ZPBP: variants seen among roughly 807,000 people sequenced by gnomAD.
ZPBP encodes zona pellucida-binding protein 1.
Under a neutral mutation model 44.8 loss-of-function variants are expected in ZPBP, and 26 were observed. The ratio of observed to expected loss-of-function variants is 0.58; its 90% CI spans 0.43 to 0.81. The LOEUF (loss-of-function observed/expected upper bound fraction) is 0.81, where lower values mean the gene tolerates loss of function less well. Among genes scored for constraint, ZPBP ranks in the 30% least tolerant of loss-of-function variants. The pLI is 0.00. For synonymous variants in ZPBP, 174 were observed against 153.2 expected, an observed-to-expected ratio of 1.14 and a Z score of -1.00; for missense variants, 409 against 434.0, an observed-to-expected ratio of 0.94 and a Z score of 0.51.
At chr7:49,932,403 C>T (rs1033421829) in intron 1 of ZPBP, among the ~76,000 whole-genome samples, 2 of 152,230 alleles carry the variant, frequency 1.3e-5, no homozygotes, top group African/African-American at 4.8e-5. Flanking sequence ...GGATGTGAGA[C>T]ATGGAGTCAA....
chr7:50,066,979 T>C (rs1202228417), intron 3 of ZPBP, among the ~76,000 whole-genome samples: 1 of 152,196 alleles, frequency 6.6e-6, no homozygotes, highest in African/African-American at 2.4e-5. Context: ...GTGTGACACC[T>C]GCAACTTTAA....
intron 3 of ZPBP, among the ~76,000 whole-genome samples, chr7:50,070,220 G>A (rs979059492): frequency 7.2e-5 from 11 of 152,130 alleles, no homozygotes; most frequent in Non-Finnish European, 1.3e-4. Context: ...TTTGTTAGTG[G>A]GGACACAAGG....
At chr7:49,870,260 C>T (rs1407203790) in intron 2 of ZPBP, among the ~76,000 whole-genome samples, 2 of 152,078 alleles carry the variant, frequency 1.3e-5, no homozygotes, top group Non-Finnish European at 2.9e-5. Flanking sequence ...ATTAGCTGGG[C>T]ATGGTGGCGG....
At chr7:49,850,358 G>A (rs1235305676), downstream of ZPBP, 2 of 152,204 alleles carry the variant, frequency 1.3e-5, no homozygotes, top group East Asian at 3.8e-4. Flanking sequence ...GTGAGTCCAA[G>A]ATGAACAAAA....
At chr7:50,008,063 T>C (rs574981766) in intron 6 of ZPBP, among the ~76,000 whole-genome samples, 2 of 152,010 alleles carry the variant, frequency 1.3e-5, no homozygotes, top group South Asian at 2.1e-4. Context: ...CCAAACTATA[T>C]AGGAAAAAAT....
At chr7:49,855,144 C>CATT (rs1483129977) in intron 2 of ZPBP, among the ~76,000 whole-genome samples, 2 of 152,208 alleles carry the variant, frequency 1.3e-5, no homozygotes, top group African/African-American at 4.8e-5. Flanking sequence ...GGCCTGCTCA[C>CATT]ATTAGTCTTA....
At chr7:49,981,476 T>C (rs1217371641) in intron 7 of ZPBP, among the ~76,000 whole-genome samples, 5 of 70,434 alleles carry the variant, frequency 7.1e-5, no homozygotes, top group Non-Finnish European at 1.2e-4. Context: ...TATAATTATA[T>C]ATAATATATA....
At chr7:49,936,202 G>A (rs1254904665), downstream of ZPBP, 1 of 152,150 alleles carries the variant, frequency 6.6e-6, no homozygotes, top group South Asian at 2.1e-4. Context: ...CCCGAACAGT[G>A]TAATGTGAAT....
At chr7:50,005,074 T>G (rs1042593267) in intron 6 of ZPBP, among the ~76,000 whole-genome samples, 1 of 149,520 alleles carries the variant, frequency 6.7e-6, no homozygotes, top group African/African-American at 2.5e-5. Context: ...TGTAAGATCA[T>G]TGACTGATTT....
intron 4 of ZPBP, among the ~76,000 whole-genome samples, chr7:50,054,273 T>C (rs1277721007): frequency 1.2e-4 from 18 of 151,548 alleles, no homozygotes; most frequent in Admixed American, 1.2e-3. Flanking sequence ...AAAAAAAAAA[T>C]TGAAACTTCT....
At chr7:49,959,920 G>GCACAAAA (rs1795782783) in intron 7 of ZPBP, among the ~76,000 whole-genome samples, 1 of 152,180 alleles carries the variant, frequency 6.6e-6, no homozygotes, top group Non-Finnish European at 1.5e-5. Context: ...ATAATTAAAT[G>GCACAAAA]TACAAAATTG....
intron 6 of ZPBP, among the ~76,000 whole-genome samples, chr7:50,012,949 T>C (rs1798656200): frequency 6.6e-6 from 1 of 151,912 alleles, no homozygotes; most frequent in Admixed American, 6.6e-5. Flanking sequence ...GGTGGCATGA[T>C]ACAAGGATAA....
chr7:50,002,375 A>T (rs1798138259), intron 6 of ZPBP, among the ~76,000 whole-genome samples: 2 of 152,024 alleles, frequency 1.3e-5, no homozygotes, highest in African/African-American at 4.8e-5. Context: ...ATTCAAGGTG[A>T]GATGGGGGTG....
chr7:50,068,109 G>C (rs536547773), intron 3 of ZPBP, among the ~76,000 whole-genome samples: 1 of 152,220 alleles, frequency 6.6e-6, no homozygotes, highest in South Asian at 2.1e-4. Flanking sequence ...TGGCCTCTTA[G>C]AGGAGAGACT....
rs12669636 is a variant in ZPBP at position 50,000,538 on chromosome 7, C to T, written c.784-17019G>A. On this transcript the variant is annotated intron_variant, in intron 6 of 7. Transcript: ENST00000046087. ...AAAAGCAATGAAAAGCATCTGATGA[C>T]CTCCAATGCAGGTCTCCCTACCTTG... Among the ~76,000 whole-genome samples, 128 of 152,186 alleles carry T rather than the reference C, an allele frequency of 8.4e-4. 1 individual carries two copies. The East Asian group carries it at 0.02, about 23-fold the overall frequency.
chr7:49,853,352 A>G (rs1014218360), intron 2 of ZPBP, among the ~76,000 whole-genome samples: 2 of 152,226 alleles, frequency 1.3e-5, no homozygotes, highest in Non-Finnish European at 2.9e-5. Flanking sequence ...AGGCCCAGGA[A>G]GTCATGCCTG....
intron 3 of ZPBP, among the ~76,000 whole-genome samples, chr7:50,071,780 C>A (rs1326609516): frequency 6.6e-6 from 1 of 152,104 alleles, no homozygotes; most frequent in Non-Finnish European, 1.5e-5. Flanking sequence ...CAGAAGGGAA[C>A]CTGCTGCCTT....
At chr7:50,050,098 T>A (rs914788506) in intron 4 of ZPBP, among the ~76,000 whole-genome samples, 9 of 151,808 alleles carry the variant, frequency 5.9e-5, no homozygotes, top group Non-Finnish European at 1.0e-4. Context: ...ATGAAAGAAA[T>A]CAAAGACCTA....
intron 2 of ZPBP, among the ~76,000 whole-genome samples, chr7:50,088,083 T>C (rs560530028): frequency 6.6e-6 from 1 of 152,136 alleles, no homozygotes; most frequent in African/African-American, 2.4e-5. Context: ...AACAGACATA[T>C]AAATCAATGG....
Sources: allele counts gnomAD v4.1 joint callset (sites outside exome capture counted in the v4.1 genomes callset), GRCh38; gene constraint gnomAD v4.1.1; transcripts MANE v1.5; gene names NCBI Gene and HGNC (gene_info 2026-07-23, HGNC 2026-07-21).